The following DSCAML1 variants were observed in gnomAD, a reference collection of about 807,000 sequenced individuals.
DSCAML1 encodes DS cell adhesion molecule like 1.
Under a neutral mutation model 200.5 loss-of-function variants are expected in DSCAML1, and 38 were observed. That is an observed-to-expected ratio of 0.19 (90% CI 0.15 to 0.25). DSCAML1 has a LOEUF of 0.25. Among genes scored for constraint, DSCAML1 ranks in the 10% least tolerant of loss-of-function variants. The probability of loss-of-function intolerance (pLI) is 1.00; values close to 1 mark genes in which losing one functional copy is unlikely to be tolerated. For missense variants in DSCAML1, 2,223 were observed against 2,858.8 expected (o/e 0.78, Z 5.07); for synonymous variants, 1,215 against 1,165.0 (o/e 1.04, Z -0.87).
intron 11 of DSCAML1, among the ~76,000 whole-genome samples, chr11:117,483,410 T>C (rs775172152): frequency 1.9e-4 from 29 of 152,234 alleles, no homozygotes; most frequent in Non-Finnish European, 3.7e-4. Context: ...AGGGAAAGCA[T>C]AGTCCATCCA....
rs753211702 is a variant in DSCAML1, at chr11:117,532,444, C to T, written c.590G>A (p.Arg197His). Residue 197 changes from arginine (R) to histidine (H), a missense_variant, in exon 4 of 33, where the codon CGC (arginine) becomes CAC (histidine). Coordinates refer to ENST00000651296, the MANE Select transcript of DSCAML1 (RefSeq NM_020693.4). Reference sequence around the variant, plus strand: ...GCTATACTTGTGCTTGGTGATGCAGCGATAGGTGGAGAGGGCGTCCTCCTT... The same window carrying T: ...GCTATACTTGTGCTTGGTGATGCAGTGATAGGTGGAGAGGGCGTCCTCCTT... The part of the protein sequence containing the change: ...VQKEDALSTY[R>H]CITKHKYSGE... 16 of 1,613,986 alleles carry T rather than the reference C, an allele frequency of 9.9e-6. No individual in the cohort carries two copies. The highest frequency in any genetic ancestry group is 3.3e-5 in the Admixed American group (2 of 59,992).
intron 3 of DSCAML1, among the ~76,000 whole-genome samples, chr11:117,548,992 G>T (rs2050426455): frequency 6.6e-6 from 1 of 152,176 alleles, no homozygotes; most frequent in African/African-American, 2.4e-5. Flanking sequence ...CTCATAAGGG[G>T]ATGTGGCTAA....
chr11:117,683,464 C>T (rs563685913), intron 3 of DSCAML1, among the ~76,000 whole-genome samples: 2 of 152,350 alleles, frequency 1.3e-5, no homozygotes, highest in Non-Finnish European at 2.9e-5. Flanking sequence ...AGTTTCTCGA[C>T]ATCACTTCAA....
At chr11:117,515,584 A>T (rs1386248870) in intron 8 of DSCAML1, among the ~76,000 whole-genome samples, 1 of 136,306 alleles carries the variant, frequency 7.3e-6, no homozygotes, top group Non-Finnish European at 1.6e-5. Context: ...ACCCAGGTGG[A>T]TGTCAAGGGC....
intron 6 of DSCAML1, among the ~76,000 whole-genome samples, chr11:117,519,597 A>C (rs1565760522): frequency 6.6e-6 from 1 of 152,106 alleles, no homozygotes; most frequent in Non-Finnish European, 1.5e-5. Flanking sequence ...AGATGGGAGG[A>C]CTGCTTGAAC....
intron 3 of DSCAML1, among the ~76,000 whole-genome samples, chr11:117,773,797 G>A (rs1291055472): frequency 3.3e-5 from 5 of 152,166 alleles, no homozygotes; most frequent in Non-Finnish European, 7.4e-5. Context: ...GACTGGCCCC[G>A]GATCTAACAT....
chr11:117,794,942 C>T (rs1449334105), intron 1 of DSCAML1, among the ~76,000 whole-genome samples: 5 of 152,214 alleles, frequency 3.3e-5, no homozygotes, highest in Admixed American at 3.3e-4. Flanking sequence ...CGAGGAGCCG[C>T]CACAACTGGC....
rs1311801974 is a variant in DSCAML1, at chr11:117,439,378, G to T, written c.4032C>A (p.Thr1344=). The change falls in exon 23 of 33, where the codon ACC becomes ACA. Residue 1344 remains threonine, a synonymous_variant. Transcript: ENST00000651296. ...CTGCACGCAGCAGCAGTGTGCCATT[G>T]GTGTGGATGAGCCGGTGCCCATCCA... The part of the protein sequence containing the change: ...VSMDGHRLIH[T]NGTLLLRAVK... 6.2e-7 allele frequency: 1 copy of T among 1,613,928 alleles called. No homozygotes were observed. Among genetic ancestry groups the T allele is most frequent in the Non-Finnish European group, 8.5e-7 (1 of 1,179,996 alleles).
rs913876793 is a variant in DSCAML1, at chr11:117,531,994, AAAAG to A, written c.658+378_658+381del. Among the ~76,000 whole-genome samples the A allele has an allele frequency of 2.0e-5, 3 of 151,362 alleles. No homozygotes were observed. The East Asian group carries it at 5.8e-4, about 29-fold the overall frequency. Reference sequence around the variant, plus strand: ...ACGAAATAAAGAAAGAAAGGAAAAGAAAAGAAAGAAAGGATAGAATACTCACAAG... The same window carrying A: ...ACGAAATAAAGAAAGAAAGGAAAAGAAAAGAAAGGATAGAATACTCACAAG... On this transcript the variant is annotated intron_variant, in intron 4 of 32. Transcript: ENST00000651296.
intron 3 of DSCAML1, among the ~76,000 whole-genome samples, chr11:117,659,034 G>A (rs141819727): frequency 2.6e-5 from 4 of 152,150 alleles, no homozygotes; most frequent in African/African-American, 4.8e-5. Context: ...TCTGACCCAC[G>A]ATTCCTTCCT....
intron 3 of DSCAML1, among the ~76,000 whole-genome samples, chr11:117,695,317 T>TTTC (rs1555199680): frequency 2.0e-4 from 25 of 127,350 alleles, no homozygotes; most frequent in African/African-American, 1.1e-3. Context: ...TTCTTTTTCT[T>TTTC]TTTTTTTTTT....
At chr11:117,544,462 G>A (rs2050333702) in intron 3 of DSCAML1, among the ~76,000 whole-genome samples, 1 of 152,184 alleles carries the variant, frequency 6.6e-6, no homozygotes, top group South Asian at 2.1e-4. Flanking sequence ...ATTAGCTCCT[G>A]CCTGGGGGCC....
intron 5 of DSCAML1, among the ~76,000 whole-genome samples, chr11:117,521,764 G>GC (rs1029180674): frequency 1.1e-5 from 1 of 93,690 alleles, no homozygotes; most frequent in Non-Finnish European, 2.2e-5. Flanking sequence ...TCAGAAACCG[G>GC]GGGGGGCACC....
chr11:117,446,224 C>T (rs557613037), intron 20 of DSCAML1, among the ~76,000 whole-genome samples: 206 of 152,240 alleles, frequency 1.4e-3, no homozygotes, highest in Non-Finnish European at 1.8e-3. Context: ...ATTAGCCAGG[C>T]GTGGTGGCGC....
chr11:117,594,028 C>G (rs1280344076), intron 3 of DSCAML1, among the ~76,000 whole-genome samples: 1 of 152,148 alleles, frequency 6.6e-6, no homozygotes, highest in Non-Finnish European at 1.5e-5. Flanking sequence ...CACTGCATTT[C>G]TAAGTGGCCC....
intron 3 of DSCAML1, among the ~76,000 whole-genome samples, chr11:117,551,765 C>T (rs1247527569): frequency 6.7e-6 from 1 of 149,650 alleles, no homozygotes. Flanking sequence ...GTGTAATTTA[C>T]CCACAGGGCC....
At chr11:117,816,837 C>G (rs2055814249) in intron 1 of DSCAML1, among the ~76,000 whole-genome samples, 1 of 150,974 alleles carries the variant, frequency 6.6e-6, no homozygotes, top group Non-Finnish European at 1.5e-5. Context: ...TGCCCCAAAG[C>G]ATTTAGAAAA....
intron 15 of DSCAML1, among the ~76,000 whole-genome samples, chr11:117,470,285 G>A (rs1377802346): frequency 6.6e-6 from 1 of 152,212 alleles, no homozygotes; most frequent in Non-Finnish European, 1.5e-5. Flanking sequence ...CTTCATAAAA[G>A]AATGTCTAGG....
At chr11:117,669,554 T>C (rs1025668328) in intron 3 of DSCAML1, among the ~76,000 whole-genome samples, 1 of 152,200 alleles carries the variant, frequency 6.6e-6, no homozygotes, top group Admixed American at 6.5e-5. Flanking sequence ...AAGACAGACA[T>C]GGCCCTAGTG....
Sources: gnomAD v4.1 joint callset for allele counts (sites outside exome capture counted in the v4.1 genomes callset) on GRCh38, gnomAD v4.1.1 for gene constraint, MANE v1.5 for transcripts, NCBI Gene and HGNC (gene_info 2026-07-23, HGNC 2026-07-21) for gene names.